The following TRIM71 variants were observed in gnomAD, a reference collection of about 807,000 sequenced individuals.
The protein encoded by TRIM71 is tripartite motif containing 71.
In TRIM71, 9 loss-of-function variants were observed where a neutral mutation model predicts 61.2. The observed-to-expected ratio is 0.15, with a 90% confidence interval of 0.09 to 0.26. The LOEUF (loss-of-function observed/expected upper bound fraction) is 0.26, where lower values mean the gene tolerates loss of function less well. TRIM71 is among the 10% of genes least tolerant of loss of function. The pLI, the probability that TRIM71 is intolerant of heterozygous loss-of-function variation, is 1.00. For synonymous variants in TRIM71, 645 were observed against 553.2 expected, an observed-to-expected ratio of 1.17 and a Z score of -2.33; for missense variants, 998 against 1,238.7, an observed-to-expected ratio of 0.81 and a Z score of 2.92.
intron 1 of TRIM71, among the ~76,000 whole-genome samples, chr3:32,850,613 C>T (rs1343233939): frequency 1.3e-5 from 2 of 152,182 alleles, no homozygotes; most frequent in East Asian, 1.9e-4. Context: ...CTTTTGCAAC[C>T]ACTGGAACAT....
chr3:32,874,853 CT>C (rs1475646434), intron 2 of TRIM71, among the ~76,000 whole-genome samples: 1 of 151,760 alleles, frequency 6.6e-6, no homozygotes, highest in Non-Finnish European at 1.5e-5. Context: ...AAGAGTCTCA[CT>C]CTGTCACCCA....
Position 32,878,519 on chromosome 3 carries a change from G to A in TRIM71, c.1020+4534G>A, listed in dbSNP as rs551416887. Among the ~76,000 whole-genome samples the A allele has an allele frequency of 3.3e-5, 5 of 152,342 alleles. No individual in the cohort carries two copies. The South Asian group carries it at 1.0e-3, about 32-fold the overall frequency. On this transcript the variant is annotated intron_variant, in intron 2 of 3. Transcript: ENST00000383763. ...AATCCCAGCTACTTGGGAGGCTGAA[G>A]CAGGAGAATTGCTGGAACCCAAGAG... is the stretch of plus-strand genomic sequence containing the variant.
intron 1 of TRIM71, among the ~76,000 whole-genome samples, chr3:32,844,873 C>T (rs959684442): frequency 5.3e-5 from 8 of 152,134 alleles, no homozygotes; most frequent in Admixed American, 1.3e-4. Flanking sequence ...GAAGCCATTC[C>T]GTACTTCCAA....
intron 1 of TRIM71, among the ~76,000 whole-genome samples, chr3:32,830,529 T>C (rs1696257588): frequency 6.6e-6 from 1 of 152,254 alleles, no homozygotes; most frequent in African/African-American, 2.4e-5. Flanking sequence ...ATGGAGCTCA[T>C]CTCCTGCTCC....
At chr3:32,888,208 T>C (rs137912567) in intron 3 of TRIM71, among the ~76,000 whole-genome samples, 1 of 152,208 alleles carries the variant, frequency 6.6e-6, no homozygotes, top group African/African-American at 2.4e-5. Context: ...TTGGAAATAA[T>C]ACAGACATGC....
chr3:32,830,400 C>A (rs13089796), intron 1 of TRIM71, among the ~76,000 whole-genome samples: 57,560 of 151,918 alleles, frequency 0.38, 13,250 homozygotes, highest in East Asian at 0.6. Flanking sequence ...ATTACCAGAA[C>A]GATAATTTAG....
chr3:32,874,317 A>G (rs903996766), intron 2 of TRIM71, among the ~76,000 whole-genome samples: 29 of 137,664 alleles, frequency 2.1e-4, no homozygotes, highest in Admixed American at 1.6e-3. Flanking sequence ...TGGGTGCTTA[A>G]TGCTTATTAC....
At chr3:32,864,871 TGTGTGTGTGTGTG>T (rs1389663227) in intron 1 of TRIM71, among the ~76,000 whole-genome samples, 2 of 148,946 alleles carry the variant, frequency 1.3e-5, no homozygotes, top group Non-Finnish European at 3.0e-5. Context: ...TGTGTGTGTG[TGTGTGTGTGTGTG>T]TGTGTGTGTT....
chr3:32,852,718 C>T (rs972597599), intron 1 of TRIM71, among the ~76,000 whole-genome samples: 1 of 149,928 alleles, frequency 6.7e-6, no homozygotes, highest in African/African-American at 2.5e-5. Context: ...TTACAGAACT[C>T]TAACTGGGTA....
rs955748319 is a variant in TRIM71, at chr3:32,892,921, A to G, written c.*1110A>G. The G allele has an allele frequency of 6.6e-6, 1 of 152,198 alleles. No homozygotes were observed. Among genetic ancestry groups the G allele is most frequent in the Admixed American group, 6.5e-5 (1 of 15,280 alleles). The allele number at this position is 152,198 out of a possible 1,614,324, so 9.4% of individuals were successfully genotyped here. A position where few individuals can be genotyped will look rare whatever the true frequency, so the allele number is the denominator to read the frequency against. ...GGCACCCCCAAACTATAGGAACTCC[A>G]CAGAAAGGGCAGGGTCTGCCCTGAC... On this transcript the variant is annotated 3_prime_UTR_variant, in exon 4 of 4. Coordinates refer to ENST00000383763, the MANE Select transcript of TRIM71 (RefSeq NM_001039111.3).
chr3:32,858,110 G>C (rs1484101151), intron 1 of TRIM71, among the ~76,000 whole-genome samples: 1 of 152,164 alleles, frequency 6.6e-6, no homozygotes, highest in Non-Finnish European at 1.5e-5. Flanking sequence ...TAGTCTTGCT[G>C]TCTTAGGGGT....
At chr3:32,849,203 C>G (rs7615935) in intron 1 of TRIM71, among the ~76,000 whole-genome samples, 4,702 of 152,180 alleles carry the variant, frequency 0.031, 118 homozygotes, top group East Asian at 0.13. Context: ...TCTTGTGGAG[C>G]TACTACTTGG....
rs576743876 is a variant in TRIM71, at chr3:32,891,708, G to C, written c.2504G>C (p.Gly835Ala). 6.2e-7 allele frequency: 1 copy of C among 1,614,138 alleles called. No homozygotes were observed. Among genetic ancestry groups the C allele is most frequent in the South Asian group, 1.1e-5 (1 of 91,084 alleles). ...TTCCTGTGCAAGTTTGGTGCTCAAG[G>C]CAGCGGCTTTGGGCAGATGGACCGC... ...GSFLCKFGAQ[G>A]SGFGQMDRPS... The change falls in exon 4 of 4, where the codon GGC becomes GCC. Residue 835 changes from glycine to alanine, a missense_variant. This residue lies in a region of TRIM71 where 95 missense variants were observed against 159.0 expected (regional missense o/e 0.60). Coordinates refer to ENST00000383763, the MANE Select transcript of TRIM71 (RefSeq NM_001039111.3). The surrounding 1 kb of genome is among the most constrained non-coding windows in gnomAD (Gnocchi z 8.2).
chr3:32,841,201 C>T lies in TRIM71; in HGVS notation c.852+22269C>T, dbSNP rs901759216. 9.9e-5 allele frequency among the ~76,000 whole-genome samples: 15 copies of T among 152,174 alleles called. No individual in the cohort carries two copies. The South Asian group carries it at 2.3e-3, about 23-fold the overall frequency. The stretch of plus-strand genomic sequence containing the variant: ...CGGAGCTTGCAGTGAGCTGAGATCG[C>T]GCCACTGCACTCCAGCCTGGGCGAC... On this transcript the variant is annotated intron_variant, in intron 1 of 3. Coordinates refer to ENST00000383763, the MANE Select transcript of TRIM71 (RefSeq NM_001039111.3).
intron 1 of TRIM71, among the ~76,000 whole-genome samples, chr3:32,824,184 T>C (rs1324436959): frequency 6.6e-6 from 1 of 152,216 alleles, no homozygotes; most frequent in Non-Finnish European, 1.5e-5. Flanking sequence ...TTAGTCCTTT[T>C]GTTTTTTTCT....
chr3:32,889,659 A>G (rs929336070), intron 3 of TRIM71, among the ~76,000 whole-genome samples: 2 of 150,262 alleles, frequency 1.3e-5, no homozygotes, highest in African/African-American at 2.4e-5. Context: ...TGTGATCTCT[A>G]CTCACTGCAA....
chr3:32,833,681 T>G (rs1696301404), intron 1 of TRIM71, among the ~76,000 whole-genome samples: 1 of 151,740 alleles, frequency 6.6e-6, no homozygotes, highest in South Asian at 2.1e-4. Context: ...TTTATTTTAT[T>G]TTTGGCTCAG....
intron 1 of TRIM71, among the ~76,000 whole-genome samples, chr3:32,870,011 T>A (rs1696779002): frequency 6.6e-6 from 1 of 152,226 alleles, no homozygotes; most frequent in Non-Finnish European, 1.5e-5. Context: ...ACTACCACAT[T>A]TCTGGCTATA....
At chr3:32,881,936 C>T (rs1288909554) in intron 2 of TRIM71, among the ~76,000 whole-genome samples, 1 of 152,182 alleles carries the variant, frequency 6.6e-6, no homozygotes, top group Non-Finnish European at 1.5e-5. Context: ...TCTTTGCATG[C>T]TTGCTGATTA....
Sources: allele counts gnomAD v4.1 joint callset (sites outside exome capture counted in the v4.1 genomes callset), GRCh38; gene constraint gnomAD v4.1.1; regional missense constraint gnomAD v4.1.1; non-coding constraint Gnocchi (gnomAD v3.1); transcripts MANE v1.5; gene names NCBI Gene and HGNC (gene_info 2026-07-23, HGNC 2026-07-21).